Variants in LARP4B observed in about 807,000 individuals in gnomAD.
LARP4B encodes the protein La ribonucleoprotein 4B.
Under a neutral mutation model 89.8 loss-of-function variants are expected in LARP4B, and 12 were observed. The observed-to-expected ratio is 0.13, with a 90% confidence interval of 0.09 to 0.22. LARP4B has a LOEUF of 0.22. Ranked by LOEUF, LARP4B falls within the 10% of genes least tolerant of loss-of-function variation. LARP4B has a pLI of 1.00. For missense variants in LARP4B, 757 were observed against 947.7 expected, an observed-to-expected ratio of 0.80 and a Z score of 2.64; for synonymous variants, 367 against 363.3, an observed-to-expected ratio of 1.01 and a Z score of -0.12.
At chr10:957,797 TTTC>T in the LARP4B span, among the ~76,000 whole-genome samples, 1,329 of 143,700 alleles carry the variant, frequency 9.2e-3, 9 homozygotes, top group Admixed American at 0.021. Flanking sequence ...ATTCATTTTC[TTTC>T]TTTTTTTTTT....
chr10:977,276 C>T, the LARP4B span, among the ~76,000 whole-genome samples: 1 of 152,138 alleles, frequency 6.6e-6, no homozygotes, highest in Non-Finnish European at 1.5e-5. Context: ...ACCTCAGCCT[C>T]CTGAGTAGCT....
At chr10:848,809 C>A (rs751196160) in intron 5 of LARP4B, among the ~76,000 whole-genome samples, 9 of 151,274 alleles carry the variant, frequency 5.9e-5, no homozygotes, top group Non-Finnish European at 1.2e-4. Flanking sequence ...TATAGTCAGC[C>A]CTCAACACAG....
intron 5 of LARP4B, among the ~76,000 whole-genome samples, chr10:855,456 G>A (rs1051405574): frequency 6.6e-6 from 1 of 152,104 alleles, no homozygotes; most frequent in Non-Finnish European, 1.5e-5. Context: ...ATACTGTCAT[G>A]TCTCAGGGAA....
intron 1 of LARP4B, among the ~76,000 whole-genome samples, chr10:892,636 T>TGGAGC (rs1836065869): frequency 6.7e-6 from 1 of 149,516 alleles, no homozygotes; most frequent in Non-Finnish European, 1.5e-5. Context: ...ACCTCCCAGG[T>TGGAGC]TCATGCCATT....
the LARP4B span, chr10:986,995 A>C: frequency 9.9e-5 from 15 of 152,148 alleles, no homozygotes. Flanking sequence ...CAAAGTATTG[A>C]CTGGACTTAT....
At chr10:866,775 T>A (rs954284849) in intron 3 of LARP4B, among the ~76,000 whole-genome samples, 3 of 152,202 alleles carry the variant, frequency 2.0e-5, no homozygotes, top group African/African-American at 7.2e-5. Context: ...TTCTCTATTA[T>A]TAGTACCTTT....
chr10:948,507 C>A, the LARP4B span, among the ~76,000 whole-genome samples: 2 of 152,174 alleles, frequency 1.3e-5, no homozygotes, highest in Non-Finnish European at 2.9e-5. Flanking sequence ...CTGGGCCTCC[C>A]AAGTGCCGGG....
At chr10:929,290 T>C (rs907634992) in intron 1 of LARP4B, among the ~76,000 whole-genome samples, 13 of 152,148 alleles carry the variant, frequency 8.5e-5, no homozygotes, top group African/African-American at 2.9e-4. Context: ...AGCTACAAGG[T>C]AGAATATTTT....
At chr10:948,683 C>A in the LARP4B span, among the ~76,000 whole-genome samples, 1 of 152,266 alleles carries the variant, frequency 6.6e-6, no homozygotes, top group African/African-American at 2.4e-5. Context: ...GCCTCCTTCT[C>A]AGCCCTGGTA....
At chr10:912,006 C>T (rs1452462455) in intron 1 of LARP4B, among the ~76,000 whole-genome samples, 4 of 152,166 alleles carry the variant, frequency 2.6e-5, no homozygotes, top group Non-Finnish European at 5.9e-5. Flanking sequence ...TGATAAGATT[C>T]CCATATGGGA....
chr10:820,577 G>A, intron 14 of LARP4B: 2 of 536,458 alleles, frequency 3.7e-6, no homozygotes, highest in Non-Finnish European at 6.6e-6. Context: ...ACACGCCTGT[G>A]CACTGTGGAG....
chr10:856,048 T>C (rs935355499), intron 5 of LARP4B, among the ~76,000 whole-genome samples: 2 of 152,226 alleles, frequency 1.3e-5, no homozygotes, highest in African/African-American at 4.8e-5. Flanking sequence ...CCATATTTCA[T>C]ACCTTATACA....
chr10:862,769 A>T (rs1834693756), intron 5 of LARP4B, among the ~76,000 whole-genome samples: 1 of 152,108 alleles, frequency 6.6e-6, no homozygotes. Context: ...AAAAAAAAAA[A>T]TGAAAACATG....
Position 812,731 on chromosome 10 carries a change from A to C in LARP4B, c.*195T>G. 1 of 403,424 alleles carries C rather than the reference A, an allele frequency of 2.5e-6. No individual in the cohort carries two copies. The highest frequency in any genetic ancestry group is 4.3e-6 in the Non-Finnish European group (1 of 232,448). The allele number at this position is 403,424 out of a possible 1,614,324, so 25.0% of individuals were successfully genotyped here. On this transcript the variant is annotated 3_prime_UTR_variant, in exon 18 of 18. Coordinates refer to ENST00000316157, the MANE Select transcript of LARP4B (RefSeq NM_015155.3). ...AGCACCAACCTAAAATAAGGTTTGT[A>C]TTAATTAAATCCTGAAAAATCGATT...
intron 3 of LARP4B, among the ~76,000 whole-genome samples, chr10:875,122 C>A (rs1305002050): frequency 6.6e-6 from 1 of 152,168 alleles, no homozygotes; most frequent in Non-Finnish European, 1.5e-5. Flanking sequence ...ACGTTCTGCA[C>A]TAAAGACACA....
At chr10:900,405 C>G (rs1021912353) in intron 1 of LARP4B, among the ~76,000 whole-genome samples, 1 of 119,704 alleles carries the variant, frequency 8.4e-6, no homozygotes, top group African/African-American at 3.2e-5. Context: ...ATTCTAGGAT[C>G]GGAAAGAAGG....
chr10:973,153 G>A, the LARP4B span, among the ~76,000 whole-genome samples: 13 of 152,112 alleles, frequency 8.5e-5, no homozygotes, highest in Non-Finnish European at 1.6e-4. Flanking sequence ...TGCTATGAGA[G>A]TCCCACCTGC....
chr10:859,095 A>T (rs575503437), intron 5 of LARP4B, among the ~76,000 whole-genome samples: 190 of 152,204 alleles, frequency 1.2e-3, no homozygotes, highest in African/African-American at 4.1e-3. Flanking sequence ...ACTGGCCAAC[A>T]TGGTGAAACC....
chr10:966,053 G>C, the LARP4B span, among the ~76,000 whole-genome samples: 2 of 97,520 alleles, frequency 2.1e-5, no homozygotes, highest in African/African-American at 3.4e-5. Flanking sequence ...GTATGTGTGG[G>C]TTTTGTGTGT....
Sources: allele counts gnomAD v4.1 joint callset (sites outside exome capture counted in the v4.1 genomes callset), GRCh38; gene constraint gnomAD v4.1.1; transcripts MANE v1.5; gene names NCBI Gene and HGNC (gene_info 2026-07-23, HGNC 2026-07-21).